SRPK2: variants seen among roughly 807,000 people sequenced by gnomAD.
SRPK2 encodes SRSF protein kinase 2.
Under a neutral mutation model 90.8 loss-of-function variants are expected in SRPK2, and 21 were observed. That is an observed-to-expected ratio of 0.23 (90% CI 0.16 to 0.33). SRPK2 has a LOEUF of 0.33. Ranked by LOEUF, SRPK2 falls within the 10% of genes least tolerant of loss-of-function variation. The probability of loss-of-function intolerance (pLI) is 1.00; values close to 1 mark genes in which losing one functional copy is unlikely to be tolerated. For synonymous variants in SRPK2, 288 were observed against 311.1 expected (o/e 0.93, Z 0.78); for missense variants, 620 against 869.0 (o/e 0.71, Z 3.60).
intron 15 of SRPK2, among the ~76,000 whole-genome samples, chr7:105,123,990 C>T (rs1364085857): frequency 6.6e-6 from 1 of 152,360 alleles, no homozygotes; most frequent in South Asian, 2.1e-4. Flanking sequence ...AAAAAGAACT[C>T]GATCACGTAA....
intron 2 of SRPK2, among the ~76,000 whole-genome samples, chr7:105,385,725 G>A (rs1293804709): frequency 2.0e-5 from 3 of 152,058 alleles, no homozygotes; most frequent in East Asian, 3.9e-4. Context: ...CTCTGGTCCC[G>A]GGCTGCCTTG....
chr7:105,363,715 T>C (rs1471564637), intron 2 of SRPK2, among the ~76,000 whole-genome samples: 6 of 152,130 alleles, frequency 3.9e-5, no homozygotes, highest in African/African-American at 1.2e-4. Context: ...GCTACTAGGC[T>C]TACTACACAT....
chr7:105,336,026 A>G lies in SRPK2; in HGVS notation c.71+52622T>C, dbSNP rs563911115. 6.6e-5 allele frequency among the ~76,000 whole-genome samples: 10 copies of G among 152,330 alleles called. No individual in the cohort carries two copies. In the South Asian group the frequency reaches 2.1e-3, roughly 32 times the overall value. ...CAAATTTTCAAATTAAATAACATTT[A>G]CTAAAGCCAAAAGCACAAAATGTTT... On this transcript the variant is annotated intron_variant, in intron 2 of 15. Transcript: ENST00000393651.
At chr7:105,183,037 A>C (rs1793087415) in intron 3 of SRPK2, among the ~76,000 whole-genome samples, 1 of 152,226 alleles carries the variant, frequency 6.6e-6, no homozygotes, top group South Asian at 2.1e-4. Flanking sequence ...GAGCCAAGCT[A>C]TCACGGGATC....
Position 105,169,111 on chromosome 7 carries a change from T to G in SRPK2, c.338+46A>C, listed in dbSNP as rs146414891. The G allele has an allele frequency of 6.3e-5, 97 of 1,530,708 alleles. No homozygotes were observed. The African/African-American group carries it at 1.2e-3, about 19-fold the overall frequency. 94.8% of individuals were successfully genotyped at this position (1,530,708 alleles called of 1,614,324 possible). ...CCATACCTTCTTAGAACACAGATGT[T>G]GAACTACTCCAGGAAACAAATGCAC... On this transcript the variant is annotated intron_variant, in intron 4 of 15. Coordinates refer to ENST00000393651, the MANE Select transcript of SRPK2 (RefSeq NM_182692.3).
intron 9 of SRPK2, chr7:105,143,696 T>A (rs1001653100): frequency 9.4e-6 from 2 of 213,406 alleles, no homozygotes; most frequent in Non-Finnish European, 1.9e-5. Context: ...AGTAACAACA[T>A]CCCAGCTCCT....
chr7:105,151,466 T>C (rs1017202697), intron 7 of SRPK2, among the ~76,000 whole-genome samples: 1 of 152,196 alleles, frequency 6.6e-6, no homozygotes, highest in Non-Finnish European at 1.5e-5. Flanking sequence ...ACTTAAATGG[T>C]AAAACGTATC....
intron 3 of SRPK2, among the ~76,000 whole-genome samples, chr7:105,195,582 A>C (rs549982644): frequency 1.3e-5 from 2 of 152,370 alleles, no homozygotes; most frequent in African/African-American, 4.8e-5. Flanking sequence ...TTAGGAAAAC[A>C]CAAGCAGTTA....
intron 3 of SRPK2, among the ~76,000 whole-genome samples, chr7:105,188,392 G>A (rs1793861886): frequency 6.6e-6 from 1 of 152,166 alleles, no homozygotes; most frequent in Non-Finnish European, 1.5e-5. Flanking sequence ...TGATGAAAAT[G>A]TTCTGGAATT....
chr7:105,224,718 AT>A (rs1204430882), intron 2 of SRPK2, among the ~76,000 whole-genome samples: 1 of 152,218 alleles, frequency 6.6e-6, no homozygotes, highest in South Asian at 2.1e-4. Flanking sequence ...CTCATCTTCC[AT>A]TTTAAAACAC....
chr7:105,303,031 G>A (rs992178216), intron 2 of SRPK2, among the ~76,000 whole-genome samples: 10 of 152,038 alleles, frequency 6.6e-5, no homozygotes, highest in South Asian at 4.2e-4. Context: ...CCTAGTTTGC[G>A]CCGCTGCACT....
intron 2 of SRPK2, among the ~76,000 whole-genome samples, chr7:105,266,529 A>G (rs1376172931): frequency 6.6e-6 from 1 of 152,184 alleles, no homozygotes. Flanking sequence ...CTCCCCTGCT[A>G]AAGAAAGAAG....
At chr7:105,180,665 G>T (rs1792657093) in intron 3 of SRPK2, among the ~76,000 whole-genome samples, 1 of 152,224 alleles carries the variant, frequency 6.6e-6, no homozygotes, top group African/African-American at 2.4e-5. Context: ...GGCTGAGGCA[G>T]GAGAATCACT....
At chr7:105,249,077 C>T (rs573035847) in intron 2 of SRPK2, among the ~76,000 whole-genome samples, 1 of 152,158 alleles carries the variant, frequency 6.6e-6, no homozygotes, top group African/African-American at 2.4e-5. Context: ...CTTCTTGAGG[C>T]ATATAAATGG....
At chr7:105,335,770 A>G (rs1257584906) in intron 2 of SRPK2, among the ~76,000 whole-genome samples, 3 of 151,982 alleles carry the variant, frequency 2.0e-5, no homozygotes, top group Non-Finnish European at 4.4e-5. Flanking sequence ...GCTGACCAAC[A>G]TGGAGAAACC....
intron 2 of SRPK2, among the ~76,000 whole-genome samples, chr7:105,311,032 T>C (rs760123866): frequency 1.3e-4 from 20 of 152,098 alleles, no homozygotes; most frequent in African/African-American, 4.8e-4. Context: ...CTTAACCGCT[T>C]AGTTGACTAA....
intron 7 of SRPK2, among the ~76,000 whole-genome samples, chr7:105,148,152 C>A (rs934886031): frequency 9.2e-5 from 14 of 152,154 alleles, no homozygotes; most frequent in African/African-American, 3.4e-4. Context: ...AATTCTTCGC[C>A]CTGAACAACA....
At chr7:105,135,890 G>A (rs1584910346) in intron 11 of SRPK2, among the ~76,000 whole-genome samples, 2 of 151,420 alleles carry the variant, frequency 1.3e-5, no homozygotes, top group Admixed American at 1.3e-4. Context: ...TCAGCCTCCC[G>A]AGTAGCTGGG....
At chr7:105,168,745 ATG>A (rs58073613) in intron 4 of SRPK2, among the ~76,000 whole-genome samples, 6,638 of 103,948 alleles carry the variant, frequency 0.064, 263 homozygotes, top group African/African-American at 0.099. Flanking sequence ...CACGCACCAA[ATG>A]TGTGTGTGTG....
Sources: gnomAD v4.1 joint callset for allele counts (sites outside exome capture counted in the v4.1 genomes callset) on GRCh38, gnomAD v4.1.1 for gene constraint, MANE v1.5 for transcripts, NCBI Gene and HGNC (gene_info 2026-07-23, HGNC 2026-07-21) for gene names.